The following UBA6 variants were observed in gnomAD, a reference collection of about 807,000 sequenced individuals.
The protein encoded by UBA6 is ubiquitin-like modifier-activating enzyme 6.
In UBA6, 87 loss-of-function variants were observed where a neutral mutation model predicts 148.3. The ratio of observed to expected loss-of-function variants is 0.59; its 90% CI spans 0.49 to 0.70. UBA6 has a LOEUF of 0.70. Among genes scored for constraint, UBA6 ranks in the 30% least tolerant of loss-of-function variants. UBA6 has a pLI of 0.00. For missense variants in UBA6, 1,186 were observed against 1,241.2 expected, an observed-to-expected ratio of 0.96 and a Z score of 0.67; for synonymous variants, 376 against 401.0, an observed-to-expected ratio of 0.94 and a Z score of 0.75.
intron 19 of UBA6, among the ~76,000 whole-genome samples, chr4:67,636,863 A>G (rs1474290144): frequency 1.4e-5 from 2 of 139,718 alleles, no homozygotes; most frequent in African/African-American, 2.8e-5. Flanking sequence ...ATCGTCTGGG[A>G]TGTGAGGAGC....
rs1730120296 is a variant in UBA6 at position 67,670,553 on chromosome 4, A to G, written c.586T>C (p.Phe196Leu). The G allele has an allele frequency of 6.2e-7, 1 of 1,611,692 alleles. No individual in the cohort carries two copies. The highest frequency in any genetic ancestry group is 2.2e-5 in the East Asian group (1 of 44,744). ...ADVHGIWSRL[F>L]CDFGDEFEVL... The stretch of plus-strand genomic sequence containing the variant: ...TCAAATTCATCACCGAAATCACAAA[A>G]TAACCTTGACCAAATTCCATGTACA... The change falls in exon 8 of 33, where the codon TTT becomes CTT. Residue 196 changes from phenylalanine (F) to leucine (L), a missense_variant. Transcript: ENST00000322244.
intron 1 of UBA6, among the ~76,000 whole-genome samples, chr4:67,697,418 T>C (rs1730867535): frequency 6.6e-6 from 1 of 152,242 alleles, no homozygotes; most frequent in African/African-American, 2.4e-5. Context: ...TGAATATATA[T>C]TGATTATATT....
intron 11 of UBA6, 175 bp from the exon 12 acceptor site, chr4:67,663,390 A>C: frequency 2.0e-6 from 1 of 494,204 alleles, no homozygotes; most frequent in Non-Finnish European, 3.6e-6. Context: ...AAATGACTTA[A>C]CCTCAAGGCC....
chr4:67,676,874 T>C (rs1730293103), intron 6 of UBA6, among the ~76,000 whole-genome samples: 1 of 150,716 alleles, frequency 6.6e-6, no homozygotes, highest in Admixed American at 6.6e-5. Context: ...CATTTTTAAA[T>C]GGATCACAGC....
intron 13 of UBA6, among the ~76,000 whole-genome samples, chr4:67,652,125 C>G (rs182043904): frequency 2.6e-5 from 4 of 152,156 alleles, no homozygotes; most frequent in Non-Finnish European, 4.4e-5. Flanking sequence ...CAAAAAAGCA[C>G]AAACCACAAA....
intron 13 of UBA6, among the ~76,000 whole-genome samples, chr4:67,650,448 A>C (rs1156847408): frequency 6.6e-6 from 1 of 152,096 alleles, no homozygotes; most frequent in Non-Finnish European, 1.5e-5. Context: ...CAAACATCTA[A>C]ATTTTGGGAA....
At chr4:67,700,789 G>A (rs746521452) in intron 1 of UBA6, among the ~76,000 whole-genome samples, 7 of 152,132 alleles carry the variant, frequency 4.6e-5, no homozygotes, top group Non-Finnish European at 8.8e-5. Flanking sequence ...GGAGGAAGGA[G>A]GATCCCGAAT....
At chr4:67,673,671 A>T in intron 7 of UBA6, 26 bp downstream of exon 7, 2 of 1,526,384 alleles carry the variant, frequency 1.3e-6, no homozygotes, top group South Asian at 1.1e-5. Context: ...GGTTAACTAC[A>T]TGTCATTACT....
chr4:67,647,127 C>G (rs1729437544), intron 14 of UBA6, among the ~76,000 whole-genome samples: 1 of 152,090 alleles, frequency 6.6e-6, no homozygotes, highest in African/African-American at 2.4e-5. Flanking sequence ...AGCCCCCATT[C>G]AATTTCAGCT....
intron 1 of UBA6, among the ~76,000 whole-genome samples, chr4:67,697,410 AAT>A (rs1047455583): frequency 6.6e-6 from 1 of 152,220 alleles, no homozygotes; most frequent in African/African-American, 2.4e-5. Context: ...CCTATTGATG[AAT>A]ATATATTGAT....
chr4:67,621,188 G>A (rs1013338757), intron 32 of UBA6, among the ~76,000 whole-genome samples: 1 of 152,100 alleles, frequency 6.6e-6, no homozygotes, highest in Non-Finnish European at 1.5e-5. Context: ...AAGATACTGA[G>A]GGATCCTAAT....
Position 67,617,869 on chromosome 4 carries a change from T to G in UBA6, c.*1128A>C, listed in dbSNP as rs1231254805. ...ACTATTTTCACTGAGTTTACAGTGT[T>G]GGGTACTACTGTTTACATCATTTTA... On this transcript the variant is annotated 3_prime_UTR_variant, in exon 33 of 33. Transcript: ENST00000322244. 1 of 152,026 alleles carries G rather than the reference T, an allele frequency of 6.6e-6. No homozygotes were observed. 9.4% of individuals were successfully genotyped at this position (152,026 alleles called of 1,614,324 possible).
chr4:67,665,413 G>GTTT, intron 9 of UBA6, 121 bp from the exon 10 acceptor site: 8 of 407,318 alleles, frequency 2.0e-5, no homozygotes, highest in South Asian at 4.1e-5. Flanking sequence ...CCAGCATAGT[G>GTTT]TTTTTTTTTG....
intron 2 of UBA6, among the ~76,000 whole-genome samples, chr4:67,689,812 A>G (rs796382301): frequency 2.6e-5 from 4 of 152,222 alleles, no homozygotes; most frequent in African/African-American, 9.6e-5. Flanking sequence ...CCAGACTACA[A>G]GCCAATCTGA....
chr4:67,659,249 C>A (rs1382761675), intron 13 of UBA6, among the ~76,000 whole-genome samples: 2 of 152,108 alleles, frequency 1.3e-5, no homozygotes, highest in Non-Finnish European at 2.9e-5. Context: ...AAAGCTTTTA[C>A]CACTGATGTT....
At position 67,619,128 on chromosome 4, in the gene UBA6, G is replaced by T. The variant is rs752149397; in HGVS notation, c.3028C>A (p.His1010Asn). 1 of 1,595,108 alleles carries T rather than the reference G, an allele frequency of 6.3e-7. No individual in the cohort carries two copies. The highest frequency in any genetic ancestry group is 8.6e-7 in the Non-Finnish European group (1 of 1,167,764). Reference protein sequence around the residue: ...GHAKRLKLTMHKLVKPTTEKK... With the variant: ...GHAKRLKLTMNKLVKPTTEKK... ...TCAGTAGTAGGTTTTACAAGTTTAT[G>T]CATTCTAAGAAAAATAAGCAAGAAT... is the stretch of plus-strand genomic sequence containing the variant. Residue 1010 changes from histidine to asparagine, a missense_variant, in exon 33 of 33, where the codon CAT becomes AAT. Physicochemically the swap from His to Asn is moderately conservative, Grantham distance 68. Transcript: ENST00000322244.
At chr4:67,694,744 T>C (rs1383352889) in intron 2 of UBA6, among the ~76,000 whole-genome samples, 1 of 152,224 alleles carries the variant, frequency 6.6e-6, no homozygotes, top group Non-Finnish European at 1.5e-5. Context: ...TCAGTAACTC[T>C]TTTAGTATTC....
At chr4:67,622,506 T>C (rs896952002) in intron 32 of UBA6, among the ~76,000 whole-genome samples, 9 of 152,190 alleles carry the variant, frequency 5.9e-5, no homozygotes, top group African/African-American at 2.2e-4. Context: ...AACAATAATT[T>C]GTTGAATAAA....
At chr4:67,673,088 T>A (rs1730188601) in intron 7 of UBA6, among the ~76,000 whole-genome samples, 1 of 152,110 alleles carries the variant, frequency 6.6e-6, no homozygotes, top group Non-Finnish European at 1.5e-5. Context: ...TATAACTGTC[T>A]CCAATACATA....
Sources: allele counts gnomAD v4.1 joint callset (sites outside exome capture counted in the v4.1 genomes callset), GRCh38; gene constraint gnomAD v4.1.1; transcripts MANE v1.5; gene names NCBI Gene and HGNC (gene_info 2026-07-23, HGNC 2026-07-21).